The following PLGRKT variants were observed in gnomAD, a reference collection of about 807,000 sequenced individuals.
PLGRKT encodes the protein plasminogen receptor (KT).
PLGRKT carries 22 observed loss-of-function variants against 18.5 expected under a neutral mutation model. That is an observed-to-expected ratio of 1.19 (90% confidence interval 0.85 to 1.70). The LOEUF is 1.70. Ranked by LOEUF, PLGRKT falls within the 40% of genes most tolerant of loss-of-function variation. The probability of loss-of-function intolerance (pLI) is 0.00; values close to 1 mark genes in which losing one functional copy is unlikely to be tolerated. For missense variants in PLGRKT, 235 were observed against 174.4 expected (o/e 1.35, Z -1.96); for synonymous variants, 72 against 52.8 (o/e 1.36, Z -1.58).
chr9:5,363,559 T>C (rs1487558508), intron 3 of PLGRKT, among the ~76,000 whole-genome samples: 3 of 152,178 alleles, frequency 2.0e-5, no homozygotes, highest in Non-Finnish European at 4.4e-5. Flanking sequence ...CTCTTAGGCA[T>C]GCTCTCTGTG....
At chr9:5,387,669 CG>C (rs1025677846) in intron 3 of PLGRKT, among the ~76,000 whole-genome samples, 9 of 97,738 alleles carry the variant, frequency 9.2e-5, no homozygotes, top group African/African-American at 2.8e-4. Flanking sequence ...AAGCCTCCTG[CG>C]GGGGGGCTGG....
chr9:5,399,443 A>AT (rs922282466), intron 3 of PLGRKT, among the ~76,000 whole-genome samples: 4 of 151,530 alleles, frequency 2.6e-5, no homozygotes, highest in Admixed American at 6.6e-5. Flanking sequence ...CAATAGGCAG[A>AT]TTTTTTTTCC....
At chr9:5,399,951 C>A (rs1818125349) in intron 3 of PLGRKT, among the ~76,000 whole-genome samples, 2 of 151,662 alleles carry the variant, frequency 1.3e-5, no homozygotes, top group Non-Finnish European at 2.9e-5. Context: ...GATCGCACCA[C>A]TGCACTCCAG....
intron 3 of PLGRKT, among the ~76,000 whole-genome samples, chr9:5,390,742 T>G (rs900066083): frequency 6.6e-6 from 1 of 151,796 alleles, no homozygotes; most frequent in Non-Finnish European, 1.5e-5. Context: ...GACTTAGAGA[T>G]AATATAGGTA....
intron 5 of PLGRKT, among the ~76,000 whole-genome samples, chr9:5,360,296 T>C (rs1366768790): frequency 6.6e-6 from 1 of 152,230 alleles, no homozygotes; most frequent in East Asian, 1.9e-4. Flanking sequence ...TCATCAAGTT[T>C]TAAAATCTAG....
chr9:5,410,867 T>G (rs1210809016), intron 3 of PLGRKT, among the ~76,000 whole-genome samples: 1 of 152,156 alleles, frequency 6.6e-6, no homozygotes, highest in African/African-American at 2.4e-5. Context: ...AAGCACAGCC[T>G]TTTACCTTGA....
At chr9:5,387,815 T>G (rs772474856) in intron 3 of PLGRKT, among the ~76,000 whole-genome samples, 2 of 151,754 alleles carry the variant, frequency 1.3e-5, no homozygotes, top group Non-Finnish European at 2.9e-5. Context: ...GAAGGAGTAT[T>G]GCAGATGGGC....
intron 3 of PLGRKT, among the ~76,000 whole-genome samples, chr9:5,402,377 G>C (rs961450021): frequency 6.6e-6 from 1 of 151,890 alleles, no homozygotes; most frequent in African/African-American, 2.4e-5. Context: ...GCTAGAAGGG[G>C]AAGGGGAAGG....
intron 3 of PLGRKT, among the ~76,000 whole-genome samples, chr9:5,366,944 G>C (rs192402981): frequency 7.3e-5 from 11 of 151,288 alleles, no homozygotes. Flanking sequence ...AAAATTAGTA[G>C]CATTTCTACA....
At chr9:5,390,142 T>C (rs1817920512) in intron 3 of PLGRKT, among the ~76,000 whole-genome samples, 1 of 151,648 alleles carries the variant, frequency 6.6e-6, no homozygotes, top group African/African-American at 2.4e-5. Context: ...GGAGGGTATT[T>C]TTGCTTAAAA....
chr9:5,376,071 C>A (rs953796578), intron 3 of PLGRKT, among the ~76,000 whole-genome samples: 1 of 152,116 alleles, frequency 6.6e-6, no homozygotes, highest in African/African-American at 2.4e-5. Context: ...ACTTTGGAGA[C>A]GTTTTGCTAA....
intron 3 of PLGRKT, among the ~76,000 whole-genome samples, chr9:5,396,323 T>C (rs1818047731): frequency 6.6e-6 from 1 of 151,900 alleles, no homozygotes; most frequent in Non-Finnish European, 1.5e-5. Context: ...TGTCACTCTG[T>C]AGCCCAGGCT....
At chr9:5,435,336 A>G (rs73397168) in intron 2 of PLGRKT, among the ~76,000 whole-genome samples, 43 of 150,308 alleles carry the variant, frequency 2.9e-4, no homozygotes, top group Admixed American at 1.5e-3. Flanking sequence ...AAAAAAAAAA[A>G]AAGAAGAAGA....
At chr9:5,378,566 G>T (rs1817676757) in intron 3 of PLGRKT, among the ~76,000 whole-genome samples, 1 of 152,178 alleles carries the variant, frequency 6.6e-6, no homozygotes, top group Non-Finnish European at 1.5e-5. Flanking sequence ...TCCTTAAGTG[G>T]GGTTAGTGAC....
intron 3 of PLGRKT, among the ~76,000 whole-genome samples, chr9:5,362,978 G>A (rs1005055106): frequency 6.6e-6 from 1 of 152,092 alleles, no homozygotes; most frequent in Non-Finnish European, 1.5e-5. Flanking sequence ...ACACCTAAGA[G>A]AGGCCGCTTC....
At chr9:5,405,999 T>C (rs958068450) in intron 3 of PLGRKT, among the ~76,000 whole-genome samples, 10 of 151,708 alleles carry the variant, frequency 6.6e-5, no homozygotes, top group Non-Finnish European at 1.5e-4. Context: ...CCAACAAACA[T>C]ATGAAAAAAA....
At chr9:5,412,929 A>G (rs1818392245) in intron 3 of PLGRKT, among the ~76,000 whole-genome samples, 1 of 151,584 alleles carries the variant, frequency 6.6e-6, no homozygotes, top group Admixed American at 6.5e-5. Flanking sequence ...AGAGACCAAT[A>G]AACAGAAAAT....
At chr9:5,402,119 A>G (rs183385548) in intron 3 of PLGRKT, among the ~76,000 whole-genome samples, 1 of 152,118 alleles carries the variant, frequency 6.6e-6, no homozygotes, top group East Asian at 1.9e-4. Flanking sequence ...GTACATTTTT[A>G]GTGTTCCTGA....
At chr9:5,435,121 A>G (rs1818934263) in intron 2 of PLGRKT, among the ~76,000 whole-genome samples, 1 of 152,004 alleles carries the variant, frequency 6.6e-6, no homozygotes, top group Admixed American at 6.5e-5. Flanking sequence ...TGAAGACAGC[A>G]TGCTCGTTAA....
Sources: gnomAD v4.1 joint callset for allele counts (sites outside exome capture counted in the v4.1 genomes callset) on GRCh38, gnomAD v4.1.1 for gene constraint, MANE v1.5 for transcripts, NCBI Gene and HGNC (gene_info 2026-07-23, HGNC 2026-07-21) for gene names.